NFATC2IP: variants seen among roughly 807,000 people sequenced by gnomAD.
The protein encoded by NFATC2IP is NFATC2-interacting protein.
Under a neutral mutation model 40.2 loss-of-function variants are expected in NFATC2IP, and 25 were observed. That is an observed-to-expected ratio of 0.62 (90% CI 0.45 to 0.87). The LOEUF (loss-of-function observed/expected upper bound fraction) is 0.87, where lower values mean the gene tolerates loss of function less well. NFATC2IP is among the 40% of genes least tolerant of loss of function. The probability of loss-of-function intolerance (pLI) is 0.00; values close to 1 mark genes in which losing one functional copy is unlikely to be tolerated. For missense variants in NFATC2IP, 553 were observed against 555.6 expected (o/e 1.00, Z 0.05); for synonymous variants, 241 against 236.3 (o/e 1.02, Z -0.18).
intron 3 of NFATC2IP, among the ~76,000 whole-genome samples, chr16:28,955,056 T>G (rs185718007): frequency 6.6e-6 from 1 of 152,096 alleles, no homozygotes; most frequent in Non-Finnish European, 1.5e-5. Flanking sequence ...TAGCCTGGCA[T>G]GGTGGCGCAT....
chr16:28,958,618 A>C, intron 5 of NFATC2IP, 99 bp from the exon 6 acceptor site: 1 of 1,008,534 alleles, frequency 9.9e-7, no homozygotes, highest in Middle Eastern at 2.1e-4. Context: ...TGAGGAGCTT[A>C]GCAAGTAGCT....
In NFATC2IP at chr16:28,951,095, G is replaced by A. The variant is rs1186734691; in HGVS notation, c.84G>A (p.Arg28=). 1 of 1,544,500 alleles carries A rather than the reference G, an allele frequency of 6.5e-7. No individual in the cohort carries two copies. Among genetic ancestry groups the A allele is most frequent in the Non-Finnish European group, 8.7e-7 (1 of 1,143,878 alleles). Residue 28 remains arginine (R), a synonymous_variant, in exon 1 of 8, where the codon CGG becomes CGA. Transcript: ENST00000320805. ...GGGGTCGGGGCGGCTGGGGCGGTCG[G>A]GGCCGGCGTCCTCGGGCCCAGCGGT... is the stretch of plus-strand genomic sequence containing the variant. The part of the protein sequence containing the change: ...GRGGRGGWGG[R]GRRPRAQRSP...
At chr16:28,955,909 C>A in intron 3 of NFATC2IP, 69 bp from the exon 4 acceptor site, 1 of 1,234,678 alleles carries the variant, frequency 8.1e-7, no homozygotes, top group South Asian at 1.2e-5. Flanking sequence ...GTCCAAGGAT[C>A]TGATTTCTAG....
chr16:28,961,947 A>G (rs11643297), intron 7 of NFATC2IP, among the ~76,000 whole-genome samples: 115,227 of 148,626 alleles, frequency 0.78, 45,706 homozygotes, highest in African/African-American at 0.94. Flanking sequence ...TCTGTTGCCC[A>G]GGCTGGAGTG....
At chr16:28,957,480 T>TA (rs1250739190) in intron 5 of NFATC2IP, 1 of 151,742 alleles carries the variant, frequency 6.6e-6, no homozygotes, top group African/African-American at 2.4e-5. Flanking sequence ...TTGTCTCTAC[T>TA]AAAAATAAAA....
intron 2 of NFATC2IP, among the ~76,000 whole-genome samples, chr16:28,954,242 C>G (rs1408502924): frequency 6.6e-6 from 1 of 152,082 alleles, no homozygotes. Flanking sequence ...TTTTAATTTT[C>G]ACAGTATTTA....
intron 6 of NFATC2IP, 51 bp downstream of exon 6, chr16:28,958,912 G>T (rs372825928): frequency 1.2e-6 from 2 of 1,609,924 alleles, no homozygotes; most frequent in African/African-American, 1.3e-5. Context: ...CAGGGGAAGG[G>T]GATATGGGGA....
intron 7 of NFATC2IP, among the ~76,000 whole-genome samples, chr16:28,960,181 C>G (rs905258699): frequency 1.3e-5 from 2 of 152,102 alleles, no homozygotes; most frequent in African/African-American, 4.8e-5. Flanking sequence ...TGGGCTAGCC[C>G]CACTCTAACC....
rs1415762420 is a variant in NFATC2IP, at chr16:28,965,991, GCTGCAGTGAACAGAGACAGTGCCA to G, written c.*2134_*2157del. On this transcript the variant is annotated 3_prime_UTR_variant, in exon 8 of 8. Transcript: ENST00000320805. ...AATCACTTGAACCCGGGAGGTGGAG[GCTGCAGTGAACAGAGACAGTGCCA>G]CTGCACATCAGCCTGAGTGACAGAG... The G allele has an allele frequency of 3.3e-5, 5 of 152,036 alleles. No homozygotes were observed. Among genetic ancestry groups the G allele is most frequent in the Non-Finnish European group, 7.3e-5 (5 of 68,038 alleles). The allele number at this position is 152,036 out of a possible 1,614,324, so 9.4% of individuals were successfully genotyped here. A position where few individuals can be genotyped will look rare whatever the true frequency, so the allele number is the denominator to read the frequency against.
In NFATC2IP at chr16:28,963,762, C is replaced by T. The variant is rs370348916; in HGVS notation, c.1159C>T (p.Arg387Trp). 1.9e-5 allele frequency: 30 copies of T among 1,613,938 alleles called. No individual in the cohort carries two copies. Among genetic ancestry groups the T allele is most frequent in the South Asian group, 3.3e-5 (3 of 91,088 alleles). Residue 387 changes from arginine (R) to tryptophan (W), a missense_variant, in exon 8 of 8, where the codon CGG becomes TGG. Physicochemically the swap from Arg to Trp is moderately radical, Grantham distance 101. Transcript: ENST00000320805. ...TGAGGAGGCCATGGGACTGTCGGGA[C>T]GGAAGCTCTCCTTCTTCTTTGATGG... is the stretch of plus-strand genomic sequence containing the variant. ...HYEEAMGLSG[R>W]KLSFFFDGTK...
Position 28,958,780 on chromosome 16 carries a change from A to G in NFATC2IP, c.910A>G (p.Ile304Val). The change falls in exon 6 of 8, where the codon ATC becomes GTC. Residue 304 changes from isoleucine (I) to valine (V), a missense_variant. By Grantham distance (29) the Ile-to-Val change is conservative. Coordinates refer to ENST00000320805, the MANE Select transcript of NFATC2IP (RefSeq NM_032815.4). The part of the protein sequence containing the change: ...ATHLGVSPSR[I>V]LLLFGETELS... The stretch of plus-strand genomic sequence containing the variant: ...CCACCTTGGGGTGTCCCCAAGCAGG[A>G]TCCTTTTGCTTTTTGGAGAGACAGA... 6.2e-7 allele frequency: 1 copy of G among 1,613,910 alleles called. No homozygotes were observed. Among genetic ancestry groups the G allele is most frequent in the East Asian group, 2.2e-5 (1 of 44,864 alleles).
At chr16:28,959,243 CCTAGGTAGTGGGAAAA>C in intron 7 of NFATC2IP, 143 bp downstream of exon 7, 1 of 604,208 alleles carries the variant, frequency 1.7e-6, no homozygotes, top group Non-Finnish European at 3.0e-6. Flanking sequence ...TCCCAGCCAT[CCTAGGTAGTGGGAAAA>C]CCCATCGTTC....
intron 2 of NFATC2IP, among the ~76,000 whole-genome samples, chr16:28,953,917 CAA>C (rs901619937): frequency 4.5e-4 from 49 of 109,174 alleles, no homozygotes; most frequent in African/African-American, 1.1e-3. Context: ...GACCTGGTCT[CAA>C]AAAAAAAAAA....
intron 3 of NFATC2IP, 106 bp downstream of exon 3, chr16:28,954,788 G>A: frequency 1.5e-6 from 1 of 669,096 alleles, no homozygotes; most frequent in South Asian, 1.8e-5. Flanking sequence ...TAAGAAGAAG[G>A]GATAGAAGGA....
At chr16:28,953,031 C>T (rs1334621343) in intron 2 of NFATC2IP, among the ~76,000 whole-genome samples, 3 of 151,812 alleles carry the variant, frequency 2.0e-5, no homozygotes, top group Admixed American at 6.6e-5. Flanking sequence ...CCACTGTGCC[C>T]GGCCTCAGCT....
chr16:28,958,010 C>A (rs779660994), intron 5 of NFATC2IP, among the ~76,000 whole-genome samples: 6 of 151,916 alleles, frequency 3.9e-5, no homozygotes, highest in Non-Finnish European at 8.8e-5. Flanking sequence ...CCACTGCCTT[C>A]CAGCCTGGAT....
At chr16:28,951,776 A>G (rs1313562028) in intron 1 of NFATC2IP, among the ~76,000 whole-genome samples, 1 of 152,046 alleles carries the variant, frequency 6.6e-6, no homozygotes, top group African/African-American at 2.4e-5. Context: ...GTTGGGGTCC[A>G]TGCGGGTTCA....
Position 28,958,741 on chromosome 16 carries a change from G to A in NFATC2IP, c.871G>A (p.Asp291Asn). 1 of 1,613,714 alleles carries A rather than the reference G, an allele frequency of 6.2e-7. No individual in the cohort carries two copies. The highest frequency in any genetic ancestry group is 8.5e-7 in the Non-Finnish European group (1 of 1,179,760). ...RMSEPLQSVV[D>N]HMATHLGVSP... Reference sequence around the variant, plus strand: ...GTCGGAGCCCCTGCAGAGTGTGGTGGACCACATGGCCACCCACCTTGGGGT... The same window carrying A: ...GTCGGAGCCCCTGCAGAGTGTGGTGAACCACATGGCCACCCACCTTGGGGT... The change falls in exon 6 of 8, where the codon GAC (aspartate) becomes AAC (asparagine). Residue 291 changes from aspartate to asparagine, a missense_variant. Coordinates refer to ENST00000320805, the MANE Select transcript of NFATC2IP (RefSeq NM_032815.4).
At position 28,966,854 on chromosome 16, in the gene NFATC2IP, G is replaced by A. The variant is rs1965153524; in HGVS notation, c.*2991G>A. On this transcript the variant is annotated 3_prime_UTR_variant, in exon 8 of 8. Coordinates refer to ENST00000320805, the MANE Select transcript of NFATC2IP (RefSeq NM_032815.4). Reference sequence around the variant, plus strand: ...ATAATGAGCCAGTTTTCTCAGTAATGTCTACTAAAAAAAAAGCCATTAACC... The same window carrying A: ...ATAATGAGCCAGTTTTCTCAGTAATATCTACTAAAAAAAAAGCCATTAACC... The A allele has an allele frequency of 2.0e-5, 3 of 151,038 alleles. No individual in the cohort carries two copies. Among genetic ancestry groups the A allele is most frequent in the African/African-American group, 2.4e-5 (1 of 41,118 alleles). 9.4% of individuals were successfully genotyped at this position (151,038 alleles called of 1,614,324 possible).
Sources: gnomAD v4.1 joint callset for allele counts (sites outside exome capture counted in the v4.1 genomes callset) on GRCh38, gnomAD v4.1.1 for gene constraint, MANE v1.5 for transcripts, NCBI Gene and HGNC (gene_info 2026-07-23, HGNC 2026-07-21) for gene names.